Variants in ASIC2 observed in about 807,000 individuals in gnomAD.
The protein encoded by ASIC2 is acid-sensing ion channel 2.
Under a neutral mutation model 57.3 loss-of-function variants are expected in ASIC2, and 25 were observed. The observed-to-expected ratio is 0.44, with a 90% CI of 0.32 to 0.61. The LOEUF (loss-of-function observed/expected upper bound fraction) is 0.61. Among genes scored for constraint, ASIC2 ranks in the 20% least tolerant of loss-of-function variants. The pLI is 0.06. For missense variants in ASIC2, 641 were observed against 738.1 expected (o/e 0.87, Z 1.52); for synonymous variants, 319 against 307.5 (o/e 1.04, Z -0.39).
At chr17:33,337,852 C>T (rs1191537563) in intron 1 of ASIC2, among the ~76,000 whole-genome samples, 1 of 150,772 alleles carries the variant, frequency 6.6e-6, no homozygotes, top group African/African-American at 2.4e-5. Flanking sequence ...GTAAGTGTTC[C>T]TTCTGAGGTG....
chr17:33,773,212 C>A (rs907783667), intron 1 of ASIC2, among the ~76,000 whole-genome samples: 3 of 149,798 alleles, frequency 2.0e-5, no homozygotes, highest in Admixed American at 6.7e-5. Context: ...AAGAATTCAA[C>A]TACTTTTTTT....
intron 1 of ASIC2, among the ~76,000 whole-genome samples, chr17:33,559,793 AAC>A (rs1190543170): frequency 3.9e-5 from 6 of 152,224 alleles, no homozygotes; most frequent in Non-Finnish European, 2.9e-5. Context: ...GTAAATTCCC[AAC>A]ACACAGTGTA....
At chr17:33,553,965 C>T (rs1274314646) in intron 1 of ASIC2, among the ~76,000 whole-genome samples, 1 of 152,108 alleles carries the variant, frequency 6.6e-6, no homozygotes, top group Non-Finnish European at 1.5e-5. Flanking sequence ...GTTTTTTCCC[C>T]TGCAGTTGAG....
At chr17:34,149,451 T>G (rs1255077292) in intron 1 of ASIC2, among the ~76,000 whole-genome samples, 1 of 152,216 alleles carries the variant, frequency 6.6e-6, no homozygotes, top group Non-Finnish European at 1.5e-5. Context: ...GGTGGAATCC[T>G]GGCTACCCAT....
chr17:33,885,293 C>T (rs1914802650), intron 1 of ASIC2, among the ~76,000 whole-genome samples: 1 of 152,094 alleles, frequency 6.6e-6, no homozygotes, highest in Non-Finnish European at 1.5e-5. Context: ...AAAATAAGGA[C>T]AAAAATAGTA....
intron 1 of ASIC2, among the ~76,000 whole-genome samples, chr17:33,152,611 A>G (rs57795663): frequency 0.012 from 1,773 of 152,212 alleles, 38 homozygotes; most frequent in African/African-American, 0.04. Context: ...CTAGGAAGGG[A>G]GGCTGGCACA....
chr17:33,781,397 C>T (rs188691761), intron 1 of ASIC2, among the ~76,000 whole-genome samples: 1 of 152,246 alleles, frequency 6.6e-6, no homozygotes, highest in East Asian at 1.9e-4. Context: ...AATATTGTCT[C>T]TAACATTGGT....
chr17:33,969,779 G>T (rs1210247099), intron 1 of ASIC2, among the ~76,000 whole-genome samples: 2 of 152,152 alleles, frequency 1.3e-5, no homozygotes, highest in African/African-American at 2.4e-5. Flanking sequence ...AAGCCCTGGG[G>T]CAGAGAAGTG....
chr17:33,707,878 T>A (rs1166742742), intron 1 of ASIC2, among the ~76,000 whole-genome samples: 1 of 152,216 alleles, frequency 6.6e-6, no homozygotes, highest in Non-Finnish European at 1.5e-5. Context: ...TGACACTATC[T>A]GTAAGACTCT....
In ASIC2 at chr17:33,512,254, A is replaced by G. The variant is rs1400516597; in HGVS notation, c.556-400187T>C. ...GAGAAGCATCTTTCAGTGCTCCTCAAGATTTCCTAAAAAGTCACCTCCAGA... is the reference window on the plus strand; with the variant it reads ...GAGAAGCATCTTTCAGTGCTCCTCAGGATTTCCTAAAAAGTCACCTCCAGA... On this transcript the variant is annotated intron_variant, in intron 1 of 9. Transcript: ENST00000359872. 3.9e-5 allele frequency among the ~76,000 whole-genome samples: 6 copies of G among 152,242 alleles called. No homozygotes were observed. The East Asian group carries it at 1.2e-3, about 29-fold the overall frequency.
intron 1 of ASIC2, among the ~76,000 whole-genome samples, chr17:33,209,636 A>G (rs1338467167): frequency 6.6e-6 from 1 of 152,192 alleles, no homozygotes; most frequent in Non-Finnish European, 1.5e-5. Context: ...CACTGCCTTG[A>G]GCTATAGGAA....
chr17:33,077,305 C>G (rs1159948887), intron 3 of ASIC2, among the ~76,000 whole-genome samples: 5 of 152,138 alleles, frequency 3.3e-5, no homozygotes, highest in African/African-American at 1.2e-4. Flanking sequence ...ATTTCTTCTT[C>G]CACAAGAGGA....
chr17:33,624,294 G>A (rs1181035649), intron 1 of ASIC2, among the ~76,000 whole-genome samples: 2 of 152,242 alleles, frequency 1.3e-5, no homozygotes, highest in Non-Finnish European at 2.9e-5. Context: ...GACACACCCA[G>A]AAGTAGCAAA....
At chr17:33,105,349 T>A (rs2092230809) in intron 2 of ASIC2, among the ~76,000 whole-genome samples, 1 of 152,212 alleles carries the variant, frequency 6.6e-6, no homozygotes, top group African/African-American at 2.4e-5. Flanking sequence ...GCACACACTC[T>A]CTTGCCTGCT....
At chr17:34,095,665 A>T (rs1433991724) in intron 1 of ASIC2, among the ~76,000 whole-genome samples, 2 of 99,296 alleles carry the variant, frequency 2.0e-5, no homozygotes, top group Non-Finnish European at 4.1e-5. Context: ...AATTTTATAT[A>T]TATATAGAGA....
chr17:33,250,266 A>T (rs1908833564), intron 1 of ASIC2, among the ~76,000 whole-genome samples: 1 of 152,186 alleles, frequency 6.6e-6, no homozygotes, highest in East Asian at 1.9e-4. Context: ...CTGACATAAC[A>T]CTCACCCAAA....
chr17:33,788,295 A>AT (rs1488582590), intron 1 of ASIC2, among the ~76,000 whole-genome samples: 3 of 152,196 alleles, frequency 2.0e-5, no homozygotes, highest in African/African-American at 7.2e-5. Context: ...GCCAACAAAC[A>AT]TGAAAAAAAG....
At chr17:33,905,165 T>TCTTTTTTTTTTTTTTTTTTTTTTC (rs1915321499) in intron 1 of ASIC2, among the ~76,000 whole-genome samples, 1 of 108,424 alleles carries the variant, frequency 9.2e-6, no homozygotes. Context: ...TTTTTTTTTT[T>TCTTTTTTTTTTTTTTTTTTTTTTC]CCACTTAGCG....
chr17:33,029,120 A>G (rs2091870665), intron 3 of ASIC2, among the ~76,000 whole-genome samples: 1 of 152,180 alleles, frequency 6.6e-6, no homozygotes, highest in African/African-American at 2.4e-5. Context: ...CTTTATATCC[A>G]TTTTTCAAGA....
Sources: allele counts gnomAD v4.1 joint callset (sites outside exome capture counted in the v4.1 genomes callset), GRCh38; gene constraint gnomAD v4.1.1; transcripts MANE v1.5; gene names NCBI Gene and HGNC (gene_info 2026-07-23, HGNC 2026-07-21).